Variants in FCAR observed in about 807,000 individuals in gnomAD.
The protein encoded by FCAR is Fc alpha receptor.
FCAR carries 21 observed loss-of-function variants against 27.1 expected under a neutral mutation model. The observed-to-expected ratio is 0.77, with a 90% CI of 0.55 to 1.11. The LOEUF is 1.11. FCAR is among the 50% of genes most tolerant of loss of function. The probability of loss-of-function intolerance (pLI) is 0.00; values close to 1 mark genes in which losing one functional copy is unlikely to be tolerated. For synonymous variants in FCAR, 134 were observed against 135.8 expected, an observed-to-expected ratio of 0.99 and a Z score of 0.09; for missense variants, 404 against 358.4, an observed-to-expected ratio of 1.13 and a Z score of -1.03.
intron 4 of FCAR, chr19:54,888,607 G>C: frequency 1.1e-6 from 1 of 904,852 alleles, no homozygotes; most frequent in Non-Finnish European, 1.4e-6. Flanking sequence ...GAGTGCAGTG[G>C]CACGATCTCG....
intron 2 of FCAR, among the ~76,000 whole-genome samples, chr19:54,877,707 C>G (rs2066172908): frequency 6.6e-6 from 1 of 152,028 alleles, no homozygotes; most frequent in African/African-American, 2.4e-5. Flanking sequence ...TGAACTTTTT[C>G]TAGCTTTTTG....
rs587641612 is a variant in FCAR at position 54,881,938 on chromosome 19, C to A, written c.71-3297C>A. ...AAATAAATAAATAAATAAATTGAAG[C>A]ATGAATGAAGGCCCCAGGCTCCTTG... On this transcript the variant is annotated intron_variant, in intron 2 of 4. Coordinates refer to ENST00000355524, the MANE Select transcript of FCAR (RefSeq NM_002000.4). Among the ~76,000 whole-genome samples, 6 of 151,710 alleles carry A rather than the reference C, an allele frequency of 4.0e-5. No individual in the cohort carries two copies. The East Asian group carries it at 9.7e-4, about 25-fold the overall frequency.
chr19:54,888,409 C>A, intron 4 of FCAR, 115 bp downstream of exon 4: 1 of 1,485,658 alleles, frequency 6.7e-7, no homozygotes. Flanking sequence ...AAGGCTCTCA[C>A]TCCAGGACAG....
intron 2 of FCAR, among the ~76,000 whole-genome samples, chr19:54,881,531 G>A (rs587645971): frequency 6.6e-6 from 1 of 152,236 alleles, no homozygotes; most frequent in South Asian, 2.1e-4. Flanking sequence ...GGCTCACAGG[G>A]AGAGGAGACT....
Position 54,891,346 on chromosome 19 carries a change from A to T in FCAR, c.*1483A>T, listed in dbSNP as rs1446075207. On this transcript the variant is annotated 3_prime_UTR_variant, in exon 5 of 5. Coordinates refer to ENST00000355524, the MANE Select transcript of FCAR (RefSeq NM_002000.4). ...CACTTTTATCCTTTACTGAGAGCTT[A>T]TCTCTACTTGATAAAATTTCTACTG... 2.0e-5 allele frequency: 3 copies of T among 152,200 alleles called. No homozygotes were observed. Among genetic ancestry groups the T allele is most frequent in the South Asian group, 2.1e-4 (1 of 4,834 alleles). The allele number at this position is 152,200 out of a possible 1,614,324, so 9.4% of individuals were successfully genotyped here.
chr19:54,886,890 C>T (rs1326069796), intron 3 of FCAR, among the ~76,000 whole-genome samples: 2 of 152,232 alleles, frequency 1.3e-5, no homozygotes, highest in Non-Finnish European at 2.9e-5. Flanking sequence ...AGCAAAGTGC[C>T]ATTTCATCTC....
intron 4 of FCAR, 142 bp downstream of exon 4, chr19:54,888,436 T>G: frequency 4.2e-6 from 6 of 1,443,960 alleles, no homozygotes; most frequent in Non-Finnish European, 5.5e-6. Flanking sequence ...GAGAAAGGCT[T>G]CCCCACCACA....
chr19:54,888,288 G>T lies in FCAR; in HGVS notation c.643G>T (p.Val215Phe), dbSNP rs139309808. Residue 215 changes from valine (V) to phenylalanine (F), a missense_variant, in exon 4 of 5, where the codon GTC becomes TTC. Transcript: ENST00000355524. The part of the protein sequence containing the change: ...SFPSNALELV[V>F]TDSIHQDYTT... The stretch of plus-strand genomic sequence containing the variant: ...CCCCAGTAATGCCTTGGAGCTTGTG[G>T]TCACAGGTAGGTACCGCCCAGTCCA... 12 of 1,613,938 alleles carry T rather than the reference G, an allele frequency of 7.4e-6. No homozygotes were observed. In the African/African-American group the frequency reaches 1.2e-4, roughly 16 times the overall value.
rs760874077 is a variant in FCAR, at chr19:54,888,266, C to T, written c.621C>T (p.Pro207=). Residue 207 remains proline, a synonymous_variant, in exon 4 of 5, where the codon CCC becomes CCT. Coordinates refer to ENST00000355524, the MANE Select transcript of FCAR (RefSeq NM_002000.4). ...GGAGCCCCTACCTGTGGTCCTTCCCCAGTAATGCCTTGGAGCTTGTGGTCA... is the reference window on the plus strand; with the variant it reads ...GGAGCCCCTACCTGTGGTCCTTCCCTAGTAATGCCTTGGAGCTTGTGGTCA... ...YNRSPYLWSF[P]SNALELVVTD... 2 of 1,614,134 alleles carry T rather than the reference C, an allele frequency of 1.2e-6. No homozygotes were observed. The highest frequency in any genetic ancestry group is 3.3e-5 in the Admixed American group (2 of 60,020).
chr19:54,890,173 C>T lies in FCAR; in HGVS notation c.*310C>T, dbSNP rs2067002088. On this transcript the variant is annotated 3_prime_UTR_variant, in exon 5 of 5. Coordinates refer to ENST00000355524, the MANE Select transcript of FCAR (RefSeq NM_002000.4). ...TTCACTGTGTTGGCCAGGCTGGTCT[C>T]GAACTCCTGACCTCAGGTGATCCAC... 2 of 370,344 alleles carry T rather than the reference C, an allele frequency of 5.4e-6. No homozygotes were observed. The highest frequency in any genetic ancestry group is 2.9e-5 in the South Asian group (1 of 34,120). 22.9% of individuals were successfully genotyped at this position (370,344 alleles called of 1,614,324 possible). A position where few individuals can be genotyped will look rare whatever the true frequency, so the allele number is the denominator to read the frequency against.
At chr19:54,880,581 G>C (rs983352239) in intron 2 of FCAR, among the ~76,000 whole-genome samples, 4 of 152,182 alleles carry the variant, frequency 2.6e-5, no homozygotes, top group African/African-American at 9.7e-5. Flanking sequence ...CCCTTGCTGG[G>C]AAGCTTGTGT....
intron 2 of FCAR, among the ~76,000 whole-genome samples, chr19:54,882,143 G>T (rs1464766655): frequency 6.6e-6 from 1 of 152,190 alleles, no homozygotes; most frequent in African/African-American, 2.4e-5. Flanking sequence ...GTAAAGTGGG[G>T]GTGGGAGCTC....
intron 3 of FCAR, among the ~76,000 whole-genome samples, chr19:54,886,687 C>T (rs2066752260): frequency 6.6e-6 from 1 of 152,006 alleles, no homozygotes; most frequent in South Asian, 2.1e-4. Flanking sequence ...AGCCACCGTG[C>T]CCGGCAGGTG....
Position 54,885,303 on chromosome 19 carries a change from A to C in FCAR, c.139A>C (p.Ile47Leu), listed in dbSNP as rs763694570. The C allele has an allele frequency of 1.4e-5, 23 of 1,613,872 alleles. No homozygotes were observed. The highest frequency in any genetic ancestry group is 2.5e-6 in the Non-Finnish European group (3 of 1,179,972). ...GATTCCCTTGGATGGATCTGTGAAAATCCAGTGCCAGGCCATTCGTGAAGC... is the reference window on the plus strand; with the variant it reads ...GATTCCCTTGGATGGATCTGTGAAACTCCAGTGCCAGGCCATTCGTGAAGC... ...PVIPLDGSVKIQCQAIREAYL... is the reference protein window; with the variant it reads ...PVIPLDGSVKLQCQAIREAYL... Residue 47 changes from isoleucine (I) to leucine (L), a missense_variant, in exon 3 of 5, where the codon ATC (isoleucine) becomes CTC (leucine). Coordinates refer to ENST00000355524, the MANE Select transcript of FCAR (RefSeq NM_002000.4).
intron 2 of FCAR, 151 bp from the exon 3 acceptor site, chr19:54,885,084 G>A (rs1479495419): frequency 1.5e-6 from 1 of 651,318 alleles, no homozygotes; most frequent in African/African-American, 1.8e-5. Context: ...GGGAATACAG[G>A]CGTGAGCTAC....
intron 3 of FCAR, among the ~76,000 whole-genome samples, chr19:54,887,408 G>A (rs1041705664): frequency 6.6e-6 from 1 of 151,944 alleles, no homozygotes; most frequent in African/African-American, 2.4e-5. Context: ...ATCACCTGAG[G>A]TCAGGGATTC....
intron 2 of FCAR, among the ~76,000 whole-genome samples, chr19:54,883,845 T>C (rs895326650): frequency 2.0e-5 from 3 of 152,052 alleles, no homozygotes; most frequent in African/African-American, 4.8e-5. Context: ...TAGTCCCAGC[T>C]ACTCGGGAGG....
intron 2 of FCAR, among the ~76,000 whole-genome samples, chr19:54,883,404 C>T (rs914996193): frequency 6.6e-6 from 1 of 152,130 alleles, no homozygotes; most frequent in Non-Finnish European, 1.5e-5. Context: ...CCCACTGTTT[C>T]CTTTGTTAGG....
Position 54,888,106 on chromosome 19 carries a change from A to G in FCAR, c.461A>G (p.Asp154Gly). The G allele has an allele frequency of 6.2e-7, 1 of 1,614,072 alleles. No individual in the cohort carries two copies. ...LTCSSAHIPF[D>G]RFSLAKEGEL... ...TGCAGCTCAGCACACATCCCATTTG[A>G]TAGATTTTCACTGGCCAAGGAGGGA... The change falls in exon 4 of 5, where the codon GAT (aspartate) becomes GGT (glycine). Residue 154 changes from aspartate to glycine, a missense_variant. By Grantham distance (94) the Asp-to-Gly change is moderately conservative. Transcript: ENST00000355524.
Sources: gnomAD v4.1 joint callset for allele counts (sites outside exome capture counted in the v4.1 genomes callset) on GRCh38, gnomAD v4.1.1 for gene constraint, MANE v1.5 for transcripts, NCBI Gene and HGNC (gene_info 2026-07-23, HGNC 2026-07-21) for gene names.